PDXDC1: variants seen among roughly 807,000 people sequenced by gnomAD.
PDXDC1 encodes the protein pyridoxal dependent decarboxylase domain containing 1.
Under a neutral mutation model 100.1 loss-of-function variants are expected in PDXDC1, and 42 were observed. The observed-to-expected ratio is 0.42, with a 90% CI of 0.33 to 0.54. The LOEUF is 0.54. Among genes scored for constraint, PDXDC1 ranks in the 20% least tolerant of loss-of-function variants. The probability of loss-of-function intolerance (pLI) is 0.10; values close to 1 mark genes in which losing one functional copy is unlikely to be tolerated. For missense variants in PDXDC1, 636 were observed against 979.2 expected (o/e 0.65, Z 4.68); for synonymous variants, 260 against 371.7 (o/e 0.70, Z 3.46).
chr16:14,997,255 G>T (rs543087541), intron 1 of PDXDC1, among the ~76,000 whole-genome samples: 1 of 152,334 alleles, frequency 6.6e-6, no homozygotes, highest in Non-Finnish European at 1.5e-5. Flanking sequence ...AACTTAAGGA[G>T]GCCAGGCACG....
intron 16 of PDXDC1, among the ~76,000 whole-genome samples, chr16:15,099,419 CAAAAAAAAAAAAA>C (rs768689960): frequency 1.2e-4 from 5 of 40,940 alleles, no homozygotes; most frequent in South Asian, 1.1e-3. Flanking sequence ...GACTTGGTCT[CAAAAAAAAAAAAA>C]AAAAAAAAAA....
intron 16 of PDXDC1, chr16:15,132,809 C>T (rs2048169951): frequency 1.1e-5 from 15 of 1,333,738 alleles, no homozygotes; most frequent in Admixed American, 1.7e-5. Context: ...GATGTTCTTG[C>T]GTATCTGGGC....
At position 15,087,848 on chromosome 16, in the gene PDXDC1, C is replaced by G. The variant is rs1486722406; in HGVS notation, c.1400-51031C>G. ...AAGTAAATCAGGCTGGGCGTGGTAG[C>G]TCATGTCTGTAATCCCAACACTTTG... On this transcript the variant is annotated intron_variant, in intron 16 of 16. Coordinates refer to the PDXDC1 transcript ENST00000535621. 2.0e-5 allele frequency among the ~76,000 whole-genome samples: 3 copies of G among 152,132 alleles called. No homozygotes were observed. In the East Asian group the frequency reaches 5.8e-4, roughly 29 times the overall value.
chr16:15,038,181 T>A lies in PDXDC1; in HGVS notation c.*1906T>A. 1 of 1,613,030 alleles carries A rather than the reference T, an allele frequency of 6.2e-7. No individual in the cohort carries two copies. Among genetic ancestry groups the A allele is most frequent in the South Asian group, 1.1e-5 (1 of 90,732 alleles). On this transcript the variant is annotated 3_prime_UTR_variant, in exon 23 of 23. Transcript: ENST00000396410. ...ATCTAATATGTTCAACAAAGTGGGGTGGCTCAGCCAGAGGCGAAGTGGAAA... is the reference window on the plus strand; with the variant it reads ...ATCTAATATGTTCAACAAAGTGGGGAGGCTCAGCCAGAGGCGAAGTGGAAA...
intron 16 of PDXDC1, among the ~76,000 whole-genome samples, chr16:15,062,984 C>T (rs1444603475): frequency 6.6e-6 from 1 of 152,184 alleles, no homozygotes; most frequent in East Asian, 1.9e-4. Flanking sequence ...GCTGGGATTA[C>T]AGGTGTGCAC....
chr16:15,026,554 T>G (rs7185094), intron 13 of PDXDC1, 89 bp from the exon 14 acceptor site: 9 of 1,042,188 alleles, frequency 8.6e-6, no homozygotes, highest in South Asian at 2.9e-5. Flanking sequence ...AATAGAGCAT[T>G]TCTAAGCGAG....
chr16:15,063,527 T>C (rs935628850), intron 16 of PDXDC1, among the ~76,000 whole-genome samples: 1 of 151,568 alleles, frequency 6.6e-6, no homozygotes, highest in Non-Finnish European at 1.5e-5. Context: ...GCTAACACGG[T>C]GAAACCCCAT....
chr16:15,010,754 A>G (rs1415404550), intron 8 of PDXDC1, among the ~76,000 whole-genome samples: 13 of 152,292 alleles, frequency 8.5e-5, no homozygotes, highest in Admixed American at 6.5e-4. Flanking sequence ...AGCTACTGGA[A>G]CTAATGATCA....
At chr16:15,094,159 G>A (rs138460528) in intron 16 of PDXDC1, 19 of 1,600,082 alleles carry the variant, frequency 1.2e-5, no homozygotes, top group East Asian at 9.0e-5. Context: ...TCCTCGACGC[G>A]CCCAGCTTCT....
downstream of PDXDC1, among the ~76,000 whole-genome samples, chr16:15,140,447 CAAAAAAA>C (rs888007915): frequency 5.1e-5 from 2 of 39,080 alleles, no homozygotes; most frequent in Non-Finnish European, 1.1e-4. Context: ...AGCTCCATCT[CAAAAAAA>C]AAAAAAAAAA....
intron 1 of PDXDC1, among the ~76,000 whole-genome samples, chr16:14,984,448 A>AGTGT (rs1407283186): frequency 7.7e-6 from 1 of 130,690 alleles, no homozygotes; most frequent in African/African-American, 2.9e-5. Context: ...AGAGAGAGAG[A>AGTGT]GAGAGAGTGT....
chr16:15,028,350 G>A (rs2042785737), intron 14 of PDXDC1, among the ~76,000 whole-genome samples: 1 of 152,288 alleles, frequency 6.6e-6, no homozygotes. Context: ...CGTGCCTGAG[G>A]GGACTCCATC....
Position 15,112,068 on chromosome 16 carries a change from CA to C in PDXDC1, c.1400-26810del, listed in dbSNP as rs573157218. On this transcript the variant is annotated intron_variant, in intron 16 of 16. Transcript: ENST00000535621. The stretch of plus-strand genomic sequence containing the variant: ...GTTTGAACTTTACGCAAAACATTCT[CA>C]CTAATGACTGAATTCCCACCAAATT... Among the ~76,000 whole-genome samples the C allele has an allele frequency of 2.0e-5, 3 of 147,938 alleles. No individual in the cohort carries two copies. The South Asian group carries it at 6.6e-4, about 33-fold the overall frequency.
At chr16:15,136,662 C>T (rs2048355202) in intron 16 of PDXDC1, 6 of 989,086 alleles carry the variant, frequency 6.1e-6, no homozygotes, top group Admixed American at 3.9e-5. Flanking sequence ...CCTGCGCCTG[C>T]AGCCAGGCCG....
intron 17 of PDXDC1, 64 bp from the exon 18 acceptor site, chr16:15,032,797 A>G: frequency 3.2e-6 from 3 of 945,102 alleles, no homozygotes; most frequent in Middle Eastern, 2.1e-4. Context: ...GAGGTTTCTA[A>G]TCCTGTATCA....
At chr16:14,976,596 G>T (rs1253708107) in intron 1 of PDXDC1, among the ~76,000 whole-genome samples, 1 of 152,286 alleles carries the variant, frequency 6.6e-6, no homozygotes, top group East Asian at 1.9e-4. Flanking sequence ...TTGGTACTTT[G>T]AGTTTGTCCA....
chr16:15,092,374 A>T, intron 16 of PDXDC1: 1 of 668,788 alleles, frequency 1.5e-6, no homozygotes, highest in Non-Finnish European at 2.7e-6. Context: ...CACTGACGGC[A>T]TCATGCTATT....
intron 16 of PDXDC1, among the ~76,000 whole-genome samples, chr16:15,111,502 G>C (rs540309472): frequency 6.8e-6 from 1 of 147,464 alleles, no homozygotes; most frequent in Non-Finnish European, 1.5e-5. Context: ...GCTCACGCCT[G>C]TAATCCTAGC....
chr16:15,143,556 C>T (rs1174805199), downstream of PDXDC1, among the ~76,000 whole-genome samples: 4 of 152,204 alleles, frequency 2.6e-5, no homozygotes, highest in Non-Finnish European at 5.9e-5. Flanking sequence ...CTCTCCTGCC[C>T]TCCCCCTGGG....
Sources: allele counts gnomAD v4.1 joint callset (sites outside exome capture counted in the v4.1 genomes callset), GRCh38; gene constraint gnomAD v4.1.1; transcripts MANE v1.5; gene names NCBI Gene and HGNC (gene_info 2026-07-23, HGNC 2026-07-21).